Variants in SCML4 observed in about 807,000 individuals in gnomAD.
SCML4 encodes Scm polycomb group protein like 4.
Under a neutral mutation model 41.1 loss-of-function variants are expected in SCML4, and 34 were observed. The ratio of observed to expected loss-of-function variants is 0.83; its 90% confidence interval spans 0.63 to 1.10. SCML4 has a LOEUF of 1.10. SCML4 is among the 50% of genes least tolerant of loss of function. SCML4 has a pLI of 0.00. For missense variants in SCML4, 522 were observed against 534.1 expected (o/e 0.98, Z 0.22); for synonymous variants, 214 against 220.9 (o/e 0.97, Z 0.28).
chr6:107,826,806 G>A (rs907693471), upstream of SCML4, among the ~76,000 whole-genome samples: 12 of 152,208 alleles, frequency 7.9e-5, no homozygotes, highest in African/African-American at 2.9e-4. Context: ...GCTCACGCCT[G>A]TAATCCCAGC....
intron 5 of SCML4, among the ~76,000 whole-genome samples, chr6:107,735,029 C>G (rs77949695): frequency 0.19 from 28,654 of 152,066 alleles, 2,749 homozygotes; most frequent in East Asian, 0.23. Context: ...GCATCCACCA[C>G]CACACCTGGC....
At chr6:107,785,014 G>C (rs1042149450) in intron 1 of SCML4, among the ~76,000 whole-genome samples, 1 of 152,218 alleles carries the variant, frequency 6.6e-6, no homozygotes, top group Non-Finnish European at 1.5e-5. Flanking sequence ...AGCTAGCTGA[G>C]ACAGAGACAA....
intron 2 of SCML4, among the ~76,000 whole-genome samples, chr6:107,764,380 T>A (rs1328303595): frequency 1.3e-5 from 2 of 152,198 alleles, no homozygotes; most frequent in African/African-American, 2.4e-5. Context: ...TAAAATAGAT[T>A]GCCTTCATCA....
chr6:107,728,221 T>C (rs1776185063), intron 5 of SCML4, among the ~76,000 whole-genome samples: 1 of 152,222 alleles, frequency 6.6e-6, no homozygotes, highest in Admixed American at 6.5e-5. Flanking sequence ...TGACTGGCAC[T>C]ATAGTTGGAA....
the SCML4 span, among the ~76,000 whole-genome samples, chr6:107,829,459 T>C: frequency 1.3e-5 from 2 of 152,214 alleles, no homozygotes; most frequent in Non-Finnish European, 2.9e-5. Flanking sequence ...ATTTTTCCTT[T>C]ATATGTTCTG....
At chr6:107,729,239 ACAGGGC>A (rs1776296361) in intron 5 of SCML4, among the ~76,000 whole-genome samples, 1 of 152,238 alleles carries the variant, frequency 6.6e-6, no homozygotes, top group Non-Finnish European at 1.5e-5. Flanking sequence ...CAAGGTGTCC[ACAGGGC>A]CAGGCTCCCT....
intron 1 of SCML4, among the ~76,000 whole-genome samples, chr6:107,776,604 G>A (rs1780970847): frequency 6.6e-6 from 1 of 152,190 alleles, no homozygotes; most frequent in Admixed American, 6.5e-5. Context: ...GATGCAATGG[G>A]CACTCTCATT....
chr6:107,800,421 C>T (rs1482426819), intron 1 of SCML4, among the ~76,000 whole-genome samples: 2 of 152,088 alleles, frequency 1.3e-5, no homozygotes, highest in East Asian at 1.9e-4. Context: ...GTTGTTTGCC[C>T]AATACCCAAC....
At chr6:107,707,083 C>T (rs1212808379) in intron 7 of SCML4, among the ~76,000 whole-genome samples, 1 of 152,096 alleles carries the variant, frequency 6.6e-6, no homozygotes, top group African/African-American at 2.4e-5. Context: ...CACCTGTCAT[C>T]CCAGCACTTT....
At chr6:107,826,834 T>C (rs542317063), upstream of SCML4, among the ~76,000 whole-genome samples, 79 of 152,240 alleles carry the variant, frequency 5.2e-4, 1 homozygote, top group East Asian at 0.012. Flanking sequence ...GAGGCTGAGG[T>C]GGGCAGATCA....
intron 1 of SCML4, among the ~76,000 whole-genome samples, chr6:107,819,666 C>CAA (rs56085566): frequency 7.7e-6 from 1 of 130,622 alleles, no homozygotes; most frequent in African/African-American, 2.8e-5. Context: ...ATGCAACTGC[C>CAA]AAAAAAAAAA....
At chr6:107,838,447 C>T in the SCML4 span, among the ~76,000 whole-genome samples, 1 of 152,186 alleles carries the variant, frequency 6.6e-6, no homozygotes, top group African/African-American at 2.4e-5. Flanking sequence ...TTGACAGGCG[C>T]GTTGTCAGGC....
intron 1 of SCML4, among the ~76,000 whole-genome samples, chr6:107,822,342 C>T (rs1202547212): frequency 6.6e-6 from 1 of 152,078 alleles, no homozygotes; most frequent in African/African-American, 2.4e-5. Context: ...TTCACCCTCA[C>T]CCCCAGGAGT....
intron 1 of SCML4, among the ~76,000 whole-genome samples, chr6:107,788,797 C>T (rs767025653): frequency 1.1e-3 from 166 of 152,300 alleles, no homozygotes; most frequent in Middle Eastern, 3.4e-3. Flanking sequence ...ATTCTCCCCT[C>T]TTATTTCACA....
intron 7 of SCML4, 67 bp from the exon 8 acceptor site, chr6:107,705,392 G>A (rs1484570175): frequency 1.4e-6 from 2 of 1,480,422 alleles, no homozygotes; most frequent in African/African-American, 2.8e-5. Flanking sequence ...CAGTGGCTAA[G>A]GTTAAGGTGT....
chr6:107,836,855 T>C, the SCML4 span, among the ~76,000 whole-genome samples: 1 of 152,170 alleles, frequency 6.6e-6, no homozygotes, highest in Admixed American at 6.6e-5. Context: ...TTAAATCCTA[T>C]ACATTTGGGA....
Position 107,703,357 on chromosome 6 carries a change from A to G in SCML4, c.*1843T>C, listed in dbSNP as rs780132314. Among the ~76,000 whole-genome samples, 5 of 152,174 alleles carry G rather than the reference A, an allele frequency of 3.3e-5. No individual in the cohort carries two copies. The highest frequency in any genetic ancestry group is 7.3e-5 in the Non-Finnish European group (5 of 68,034). ...AAATCACCAGACATCAAGCTCTTCT[A>G]CAATCTAATAACTCAAGCTCAATTC... is the stretch of plus-strand genomic sequence containing the variant. On this transcript the variant is annotated 3_prime_UTR_variant, in exon 8 of 8. Transcript: ENST00000369020.
intron 3 of SCML4, 84 bp downstream of exon 3, chr6:107,749,600 T>C: frequency 6.5e-7 from 1 of 1,526,742 alleles, no homozygotes; most frequent in South Asian, 1.2e-5. Context: ...CAACAACTCT[T>C]TAATCCACAA....
At chr6:107,806,545 T>C (rs576821409) in intron 1 of SCML4, among the ~76,000 whole-genome samples, 17 of 152,244 alleles carry the variant, frequency 1.1e-4, no homozygotes, top group Non-Finnish European at 2.2e-4. Context: ...TGCTCCTTAA[T>C]GCTGGCCTCT....
Sources: gnomAD v4.1 joint callset for allele counts (sites outside exome capture counted in the v4.1 genomes callset) on GRCh38, gnomAD v4.1.1 for gene constraint, MANE v1.5 for transcripts, NCBI Gene and HGNC (gene_info 2026-07-23, HGNC 2026-07-21) for gene names.